The following TMTC1 variants were observed in gnomAD, a reference collection of about 807,000 sequenced individuals.
The protein encoded by TMTC1 is transmembrane O-mannosyltransferase targeting cadherins 1.
TMTC1 carries 73 observed loss-of-function variants against 104.8 expected under a neutral mutation model. That is an observed-to-expected ratio of 0.70 (90% confidence interval 0.58 to 0.85). The LOEUF (loss-of-function observed/expected upper bound fraction) is 0.85. Among genes scored for constraint, TMTC1 ranks in the 40% least tolerant of loss-of-function variants. TMTC1 has a pLI of 0.00. For synonymous variants in TMTC1, 434 were observed against 428.7 expected (o/e 1.01, Z -0.15); for missense variants, 1,035 against 1,096.1 (o/e 0.94, Z 0.79).
At chr12:29,511,466 T>G (rs1303438032) in intron 17 of TMTC1, among the ~76,000 whole-genome samples, 1 of 152,178 alleles carries the variant, frequency 6.6e-6, no homozygotes, top group Non-Finnish European at 1.5e-5. Flanking sequence ...TGGCGAATCG[T>G]TCATTGCATT....
chr12:29,641,637 A>G (rs944526278), intron 5 of TMTC1, among the ~76,000 whole-genome samples: 2 of 152,146 alleles, frequency 1.3e-5, no homozygotes, highest in Admixed American at 1.3e-4. Flanking sequence ...TACCCAAATG[A>G]GAAGGAACCA....
Position 29,755,862 on chromosome 12 carries a change from C to T in TMTC1, c.578G>A (p.Gly193Glu). Residue 193 changes from glycine to glutamate, a missense_variant, in exon 4 of 18, where the codon GGG becomes GAG. Coordinates refer to ENST00000539277, the MANE Select transcript of TMTC1 (RefSeq NM_001193451.2). ...YNRSLDQGCV[G>E]GSFPSTVSPF... Reference sequence around the variant, plus strand: ...AGACACCGTGGAAGGGAAACTTCCCCCAACACAGCCCTGATCCAGACTCCT... The same window carrying T: ...AGACACCGTGGAAGGGAAACTTCCCTCAACACAGCCCTGATCCAGACTCCT... 1 of 1,614,098 alleles carries T rather than the reference C, an allele frequency of 6.2e-7. No individual in the cohort carries two copies.
intron 6 of TMTC1, among the ~76,000 whole-genome samples, chr12:29,609,615 G>T (rs887597544): frequency 2.6e-5 from 4 of 152,238 alleles, no homozygotes; most frequent in African/African-American, 9.6e-5. Context: ...CAAAGTTGAA[G>T]ATAATACAGA....
At chr12:29,714,604 T>C (rs978017135) in intron 5 of TMTC1, among the ~76,000 whole-genome samples, 1 of 152,256 alleles carries the variant, frequency 6.6e-6, no homozygotes, top group African/African-American at 2.4e-5. Context: ...ATCTTTGTGT[T>C]ACTATAAAAA....
intron 1 of TMTC1, among the ~76,000 whole-genome samples, chr12:29,772,671 G>A (rs1314092394): frequency 6.6e-6 from 1 of 152,070 alleles, no homozygotes; most frequent in African/African-American, 2.4e-5. Context: ...CACATTTAAA[G>A]ATTTAAAATT....
chr12:29,543,229 A>G (rs1446554736), intron 10 of TMTC1, among the ~76,000 whole-genome samples: 1 of 152,354 alleles, frequency 6.6e-6, no homozygotes, highest in South Asian at 2.1e-4. Flanking sequence ...AAACATTTGC[A>G]TCGTGTCACT....
At chr12:29,725,778 A>G (rs1364252977) in intron 5 of TMTC1, among the ~76,000 whole-genome samples, 3 of 152,230 alleles carry the variant, frequency 2.0e-5, no homozygotes, top group African/African-American at 7.2e-5. Flanking sequence ...TACAACATTC[A>G]ATCTTCTATA....
intron 15 of TMTC1, among the ~76,000 whole-genome samples, chr12:29,514,907 G>C (rs537473247): frequency 1.3e-5 from 2 of 152,100 alleles, no homozygotes; most frequent in African/African-American, 2.4e-5. Flanking sequence ...CCGGCTACTG[G>C]GGGGGCTGAG....
At chr12:29,562,361 T>C (rs1945398045) in intron 9 of TMTC1, among the ~76,000 whole-genome samples, 1 of 152,174 alleles carries the variant, frequency 6.6e-6, no homozygotes, top group African/African-American at 2.4e-5. Context: ...GCAGAAGGGC[T>C]CCTCCCAGTC....
chr12:29,519,534 T>C (rs1944089269), intron 12 of TMTC1: 1 of 152,202 alleles, frequency 6.6e-6, no homozygotes, highest in Admixed American at 6.5e-5. Flanking sequence ...GTCTATTATC[T>C]ACACAGAAAT....
chr12:29,773,352 C>T (rs990505475), intron 1 of TMTC1, among the ~76,000 whole-genome samples: 7 of 152,132 alleles, frequency 4.6e-5, no homozygotes, highest in Non-Finnish European at 1.0e-4. Flanking sequence ...ACTCCCACAG[C>T]CTGGAGCTTA....
chr12:29,524,793 AC>A (rs913306583), intron 11 of TMTC1, among the ~76,000 whole-genome samples: 137 of 152,302 alleles, frequency 9.0e-4, no homozygotes, highest in African/African-American at 3.1e-3. Flanking sequence ...AATCTTTTCT[AC>A]CCAGGCATAA....
At chr12:29,715,142 G>A (rs752110331) in intron 5 of TMTC1, among the ~76,000 whole-genome samples, 1 of 152,204 alleles carries the variant, frequency 6.6e-6, no homozygotes, top group Non-Finnish European at 1.5e-5. Flanking sequence ...CATTTTGCAA[G>A]TGAGATGGTT....
Position 29,642,695 on chromosome 12 carries a change from G to A in TMTC1, c.939-9359C>T, listed in dbSNP as rs1938909513. ...AATCCCAGCACTTTGGGAGGCCGAG[G>A]TGGGTGGATCATGAGGTCAGGAGAT... On this transcript the variant is annotated intron_variant, in intron 5 of 17. Coordinates refer to ENST00000539277, the MANE Select transcript of TMTC1 (RefSeq NM_001193451.2). Among the ~76,000 whole-genome samples the A allele has an allele frequency of 2.0e-5, 3 of 152,122 alleles. No homozygotes were observed. In the South Asian group the frequency reaches 6.2e-4, roughly 31 times the overall value.
At chr12:29,556,546 TAAAC>T (rs1418468159) in intron 10 of TMTC1, among the ~76,000 whole-genome samples, 1 of 152,344 alleles carries the variant, frequency 6.6e-6, no homozygotes, top group Non-Finnish European at 1.5e-5. Flanking sequence ...TTGCCATAAA[TAAAC>T]AATCTGCTTA....
rs536462709 is a variant in TMTC1 at position 29,501,785 on chromosome 12, G to A, written c.*5061C>T. 1 of 152,114 alleles carries A rather than the reference G, an allele frequency of 6.6e-6. No individual in the cohort carries two copies. Among genetic ancestry groups the A allele is most frequent in the Non-Finnish European group, 1.5e-5 (1 of 68,002 alleles). 9.4% of individuals were successfully genotyped at this position (152,114 alleles called of 1,614,324 possible). A position where few individuals can be genotyped will look rare whatever the true frequency, so the allele number is the denominator to read the frequency against. On this transcript the variant is annotated 3_prime_UTR_variant, in exon 18 of 18. Coordinates refer to ENST00000539277, the MANE Select transcript of TMTC1 (RefSeq NM_001193451.2). The stretch of plus-strand genomic sequence containing the variant: ...GATTTTATGAGTTACAGGCCCTAAA[G>A]ATTTTAATTGAAAAGATCAATTAAA...
intron 5 of TMTC1, among the ~76,000 whole-genome samples, chr12:29,645,661 C>T (rs1208941532): frequency 7.9e-5 from 12 of 152,114 alleles, no homozygotes; most frequent in Admixed American, 6.5e-4. Flanking sequence ...GTATCTTTCT[C>T]GCTATAAAGG....
chr12:29,519,435 C>T (rs1944086558), intron 12 of TMTC1: 1 of 152,190 alleles, frequency 6.6e-6, no homozygotes, highest in Non-Finnish European at 1.5e-5. Flanking sequence ...GCCCTCTACT[C>T]TGATAGGTTT....
In TMTC1 at chr12:29,504,199, G is replaced by C. The variant is rs997784126; in HGVS notation, c.*2647C>G. On this transcript the variant is annotated 3_prime_UTR_variant, in exon 18 of 18. Coordinates refer to ENST00000539277, the MANE Select transcript of TMTC1 (RefSeq NM_001193451.2). ...AAATTGCACATCCATGAGGCCAGCT[G>C]AGCTCCTCCATTTCAAGAAGGTGCT... 1 of 151,708 alleles carries C rather than the reference G, an allele frequency of 6.6e-6. No individual in the cohort carries two copies. The highest frequency in any genetic ancestry group is 2.4e-5 in the African/African-American group (1 of 41,268). The allele number at this position is 151,708 out of a possible 1,614,324, so 9.4% of individuals were successfully genotyped here. A position where few individuals can be genotyped will look rare whatever the true frequency, so the allele number is the denominator to read the frequency against.
Sources: allele counts gnomAD v4.1 joint callset (sites outside exome capture counted in the v4.1 genomes callset), GRCh38; gene constraint gnomAD v4.1.1; transcripts MANE v1.5; gene names NCBI Gene and HGNC (gene_info 2026-07-23, HGNC 2026-07-21).